Variants in MEI1 observed in about 807,000 individuals in gnomAD.
MEI1 encodes the protein meiotic double-stranded break formation protein 1.
In MEI1, 103 loss-of-function variants were observed where a neutral mutation model predicts 146.2. That is an observed-to-expected ratio of 0.70 (90% CI 0.60 to 0.83). The LOEUF (loss-of-function observed/expected upper bound fraction) is 0.83, where lower values mean the gene tolerates loss of function less well. Ranked by LOEUF, MEI1 falls within the 40% of genes least tolerant of loss-of-function variation. MEI1 has a pLI of 0.00. For missense variants in MEI1, 1,529 were observed against 1,533.0 expected, an observed-to-expected ratio of 1.00 and a Z score of 0.04; for synonymous variants, 652 against 628.2, an observed-to-expected ratio of 1.04 and a Z score of -0.57.
At chr22:41,718,501 A>T (rs764888554) in intron 6 of MEI1, among the ~76,000 whole-genome samples, 236 of 152,114 alleles carry the variant, frequency 1.6e-3, no homozygotes, top group Middle Eastern at 3.4e-3. Context: ...TGGGACAGCA[A>T]TTTTTTCTGC....
chr22:41,731,508 G>A (rs756904265), intron 9 of MEI1, among the ~76,000 whole-genome samples: 1 of 125,206 alleles, frequency 8.0e-6, no homozygotes, highest in Non-Finnish European at 1.9e-5. Context: ...GCGACTGCCA[G>A]CACACCTGGC....
intron 10 of MEI1, 44 bp downstream of exon 10, chr22:41,732,388 C>A: frequency 6.2e-7 from 1 of 1,613,252 alleles, no homozygotes; most frequent in Non-Finnish European, 8.5e-7. Flanking sequence ...GGCCAGACTG[C>A]AGAAGGAAAA....
intron 11 of MEI1, among the ~76,000 whole-genome samples, chr22:41,733,913 A>G (rs1601813646): frequency 6.6e-6 from 1 of 150,828 alleles, no homozygotes; most frequent in South Asian, 2.1e-4. Context: ...GACCACCTGA[A>G]GTCGGGAGTT....
intron 26 of MEI1, among the ~76,000 whole-genome samples, chr22:41,790,947 G>A (rs1366233957): frequency 6.6e-6 from 1 of 152,202 alleles, no homozygotes; most frequent in Non-Finnish European, 1.5e-5. Flanking sequence ...GCTTCACAGA[G>A]AAGGTGACAT....
At chr22:41,767,291 G>A (rs538166683) in intron 19 of MEI1, among the ~76,000 whole-genome samples, 1 of 152,330 alleles carries the variant, frequency 6.6e-6, no homozygotes, top group African/African-American at 2.4e-5. Flanking sequence ...GCATTGTGCA[G>A]AAAGGCAGGA....
intron 15 of MEI1, among the ~76,000 whole-genome samples, chr22:41,749,180 G>T (rs1018529984): frequency 5.9e-5 from 9 of 152,102 alleles, no homozygotes; most frequent in African/African-American, 2.2e-4. Flanking sequence ...TTGTCACATG[G>T]CATGCAACAA....
chr22:41,795,422 C>T lies in MEI1; in HGVS notation c.3546C>T (p.Tyr1182=), dbSNP rs2076326023. 6.2e-7 allele frequency: 1 copy of T among 1,613,526 alleles called. No individual in the cohort carries two copies. The highest frequency in any genetic ancestry group is 8.5e-7 in the Non-Finnish European group (1 of 1,179,804). ...ILRLMTLFMR[Y]RSSSVLSHEE... ...TCTTCCTGGGCCAGTTTATGCGGTA[C>T]CGGAGTAGCAGTGTCCTCTCTCATG... The change falls in exon 29 of 31, where the codon TAC becomes TAT. Residue 1182 remains tyrosine (Y), a synonymous_variant. Coordinates refer to ENST00000401548, the MANE Select transcript of MEI1 (RefSeq NM_152513.4). The surrounding 1 kb of genome is among the most constrained non-coding windows in gnomAD (Gnocchi z 4.2).
intron 5 of MEI1, among the ~76,000 whole-genome samples, chr22:41,717,586 C>G (rs577955206): frequency 5.9e-5 from 9 of 152,004 alleles, no homozygotes; most frequent in Admixed American, 2.6e-4. Flanking sequence ...GAATGAGCCA[C>G]TGCACCTGGC....
chr22:41,700,487 C>T (rs933655180), intron 1 of MEI1, among the ~76,000 whole-genome samples: 2 of 152,192 alleles, frequency 1.3e-5, no homozygotes, highest in African/African-American at 2.4e-5. Context: ...CCCGCCACCA[C>T]GCTCGGCTAA....
chr22:41,745,945 C>T lies in MEI1; in HGVS notation c.1599C>T (p.Ser533=), dbSNP rs202048478. ...AGGAGAATCCATTCACAGCTCCCAG[C>T]GCCAAGAAGGAAGACACCTTGGAGG... The part of the protein sequence containing the change: ...SAQENPFTAP[S]AKKEDTLEAF... Residue 533 remains serine, a synonymous_variant, in exon 14 of 31, where the codon AGC becomes AGT. Coordinates refer to ENST00000401548, the MANE Select transcript of MEI1 (RefSeq NM_152513.4). The T allele has an allele frequency of 4.3e-5, 69 of 1,613,438 alleles. No individual in the cohort carries two copies. In the African/African-American group the frequency reaches 4.9e-4, roughly 12 times the overall value.
intron 15 of MEI1, among the ~76,000 whole-genome samples, chr22:41,749,368 C>T (rs56149989): frequency 0.016 from 2,450 of 152,110 alleles, 60 homozygotes; most frequent in African/African-American, 0.055. Context: ...CTCCGCCTCC[C>T]GGGTTCAAGT....
intron 6 of MEI1, among the ~76,000 whole-genome samples, chr22:41,719,403 T>C (rs1398533589): frequency 6.6e-6 from 1 of 152,178 alleles, no homozygotes; most frequent in Non-Finnish European, 1.5e-5. Flanking sequence ...CCCAGGCTGG[T>C]CTCGAACTCC....
chr22:41,732,765 T>C (rs2071974693), intron 11 of MEI1, among the ~76,000 whole-genome samples, 162 bp downstream of exon 11: 1 of 151,062 alleles, frequency 6.6e-6, no homozygotes, highest in Non-Finnish European at 1.5e-5. Context: ...CAACCAACCA[T>C]GGATTGAAAA....
At chr22:41,792,839 G>A (rs116931934) in intron 26 of MEI1, among the ~76,000 whole-genome samples, 92 of 150,568 alleles carry the variant, frequency 6.1e-4, no homozygotes, top group Non-Finnish European at 1.1e-3. Context: ...GTTTTAATTT[G>A]CATTTCCCTA....
At chr22:41,712,295 C>T (rs369105526) in intron 3 of MEI1, among the ~76,000 whole-genome samples, 21 of 148,748 alleles carry the variant, frequency 1.4e-4, no homozygotes, top group African/African-American at 4.7e-4. Context: ...AGTGCAGTGG[C>T]GCGATCTTGG....
intron 7 of MEI1, among the ~76,000 whole-genome samples, chr22:41,727,727 A>G (rs1005874728): frequency 6.6e-6 from 1 of 152,194 alleles, no homozygotes; most frequent in African/African-American, 2.4e-5. Flanking sequence ...GCAAAAGGAA[A>G]GGTGCATGGG....
chr22:41,709,062 G>A (rs960447626), intron 3 of MEI1, among the ~76,000 whole-genome samples: 1 of 152,224 alleles, frequency 6.6e-6, no homozygotes, highest in Non-Finnish European at 1.5e-5. Context: ...CATTCTATTA[G>A]TGACATATGC....
intron 20 of MEI1, 113 bp from the exon 21 acceptor site, chr22:41,775,989 C>A: frequency 1.9e-6 from 2 of 1,073,158 alleles, no homozygotes; most frequent in East Asian, 2.5e-5. Flanking sequence ...ACAGATTACC[C>A]AGTTTTTGTG....
chr22:41,703,406 G>C lies in MEI1; in HGVS notation c.250G>C (p.Val84Leu). Residue 84 changes from valine to leucine, a missense_variant, in exon 2 of 31, where the codon GTG (valine) becomes CTG (leucine). Val to Leu is a conservative substitution (Grantham distance 32). Transcript: ENST00000401548. ...VRHTSLVTQL[V>L]SQDQRVCIHF... ...GCATACCTCCCTGGTCACGCAACTG[G>C]TGTCTCAGGATCAGAGAGTCTGCAT... 1 of 1,609,266 alleles carries C rather than the reference G, an allele frequency of 6.2e-7. No homozygotes were observed. The highest frequency in any genetic ancestry group is 8.5e-7 in the Non-Finnish European group (1 of 1,177,704).
Sources: allele counts gnomAD v4.1 joint callset (sites outside exome capture counted in the v4.1 genomes callset), GRCh38; gene constraint gnomAD v4.1.1; non-coding constraint Gnocchi (gnomAD v3.1); transcripts MANE v1.5; gene names NCBI Gene and HGNC (gene_info 2026-07-23, HGNC 2026-07-21).